NLRP13: variants seen among roughly 807,000 people sequenced by gnomAD.
NLRP13 encodes NACHT, LRR and PYD domains-containing protein 13.
A neutral mutation model predicts 94.4 loss-of-function variants in NLRP13; 82 were observed. The observed-to-expected ratio is 0.87, with a 90% CI of 0.73 to 1.04. The LOEUF (loss-of-function observed/expected upper bound fraction) is 1.04. Among genes scored for constraint, NLRP13 ranks in the 50% least tolerant of loss-of-function variants. The pLI, the probability that NLRP13 is intolerant of heterozygous loss-of-function variation, is 0.00. For synonymous variants in NLRP13, 553 were observed against 464.7 expected, an observed-to-expected ratio of 1.19 and a Z score of -2.45; for missense variants, 1,426 against 1,230.8, an observed-to-expected ratio of 1.16 and a Z score of -2.37.
intron 4 of NLRP13, among the ~76,000 whole-genome samples, chr19:55,920,578 A>G (rs1986793939): frequency 6.6e-6 from 1 of 152,126 alleles, no homozygotes; most frequent in Non-Finnish European, 1.5e-5. Flanking sequence ...AGGCAGAGAA[A>G]TGCAAATTAA....
At chr19:55,910,865 G>C (rs1352086478) in intron 5 of NLRP13, 132 bp from the exon 6 acceptor site, 10 of 777,468 alleles carry the variant, frequency 1.3e-5, no homozygotes, top group Non-Finnish European at 2.0e-5. Flanking sequence ...TGGGTGCAGT[G>C]GCTCACGCCT....
Position 55,913,114 on chromosome 19 carries a change from C to T in NLRP13, c.703G>A (p.Gly235Arg), listed in dbSNP as rs1986575806. The T allele has an allele frequency of 6.2e-7, 1 of 1,614,182 alleles. No homozygotes were observed. The highest frequency in any genetic ancestry group is 8.5e-7 in the Non-Finnish European group (1 of 1,180,028). ...RAQAQTIVLV[G>R]RAGVGKTTLA... ...GTGGTCTTCCCAACCCCTGCCCTCC[C>T]CACCAAGACTATCGTCTGGGCCTGG... The change falls in exon 5 of 11, where the codon GGG (glycine) becomes AGG (arginine). Residue 235 changes from glycine to arginine, a missense_variant. By Grantham distance (125) the Gly-to-Arg change is moderately radical. Coordinates refer to ENST00000342929, the MANE Select transcript of NLRP13 (RefSeq NM_176810.2).
chr19:55,891,936 C>G (rs946911444), downstream of NLRP13: 3 of 409,412 alleles, frequency 7.3e-6, no homozygotes, highest in African/African-American at 6.2e-5. Context: ...ACACACAGGC[C>G]AGGATGTCCT....
chr19:55,909,361 C>T (rs111513549), intron 6 of NLRP13, among the ~76,000 whole-genome samples: 3,098 of 152,288 alleles, frequency 0.02, 90 homozygotes, highest in African/African-American at 0.07. Context: ...TCCCCCTGCT[C>T]ACCTTTATTT....
In NLRP13 at chr19:55,910,869, C is replaced by T. The variant is rs571937120; in HGVS notation, c.2112-136G>A. The T allele has an allele frequency of 6.6e-6, 5 of 754,880 alleles. No individual in the cohort carries two copies. The African/African-American group carries it at 6.9e-5, about 10-fold the overall frequency. The allele number at this position is 754,880 out of a possible 1,614,324, so 46.8% of individuals were successfully genotyped here. On this transcript the variant is annotated intron_variant, in intron 5 of 10. Transcript: ENST00000342929. ...CCTAATGTGGCTGGGTGCAGTGGCT[C>T]ACGCCTGTAATCCCACCACTTTGGG...
chr19:55,901,735 G>A (rs1407455707), intron 9 of NLRP13, among the ~76,000 whole-genome samples: 1 of 152,110 alleles, frequency 6.6e-6, no homozygotes, highest in Non-Finnish European at 1.5e-5. Flanking sequence ...TCCCTTTGCT[G>A]ATCTGCCTTG....
At chr19:55,926,040 C>A (rs928723798) in intron 1 of NLRP13, among the ~76,000 whole-genome samples, 1 of 152,258 alleles carries the variant, frequency 6.6e-6, no homozygotes, top group East Asian at 1.9e-4. Flanking sequence ...CGAGTGGGAA[C>A]CTTTTCCTAG....
intron 1 of NLRP13, among the ~76,000 whole-genome samples, chr19:55,925,966 C>T (rs1986957547): frequency 6.6e-6 from 1 of 152,084 alleles, no homozygotes; most frequent in Non-Finnish European, 1.5e-5. Flanking sequence ...AGTCTGAGCC[C>T]TACGTCCACA....
chr19:55,908,156 T>G (rs1320568466), intron 6 of NLRP13, among the ~76,000 whole-genome samples, 200 bp from the exon 7 acceptor site: 3 of 152,042 alleles, frequency 2.0e-5, no homozygotes, highest in African/African-American at 7.2e-5. Flanking sequence ...AAAAAATCAG[T>G]AAACTCAGTT....
Position 55,912,428 on chromosome 19 carries a change from C to G in NLRP13, c.1389G>C (p.Leu463Phe). ...CCAAATCTACCTCTGCTGTGGAGAA[C>G]AAGTTGGAGAAAAAATAGGCATACA... ...TSLYAYFFSNLFSTAEVDLAD... is the reference protein window; with the variant it reads ...TSLYAYFFSNFFSTAEVDLAD... The change falls in exon 5 of 11, where the codon TTG (leucine) becomes TTC (phenylalanine). Residue 463 changes from leucine to phenylalanine, a missense_variant. Coordinates refer to ENST00000342929, the MANE Select transcript of NLRP13 (RefSeq NM_176810.2). The G allele has an allele frequency of 6.2e-7, 1 of 1,614,126 alleles. No homozygotes were observed. Among genetic ancestry groups the G allele is most frequent in the East Asian group, 2.2e-5 (1 of 44,880 alleles).
At chr19:55,927,071 G>A (rs1368252166) in intron 1 of NLRP13, among the ~76,000 whole-genome samples, 3 of 151,912 alleles carry the variant, frequency 2.0e-5, no homozygotes, top group East Asian at 3.9e-4. Context: ...ATAGATTTAA[G>A]TATAAAAGGT....
chr19:55,913,173 A>G lies in NLRP13; in HGVS notation c.644T>C (p.Leu215Pro). Residue 215 changes from leucine to proline, a missense_variant, in exon 5 of 11, where the codon CTG becomes CCG. Coordinates refer to ENST00000342929, the MANE Select transcript of NLRP13 (RefSeq NM_176810.2). ...RNTSKDEHEE[L>P]QRLLDPNRTR... ...CCTATTAGGATCCAGTAGGCGCTGCAGTTCCTCATGTTCGTCCTTTGATGT... is the reference window on the plus strand; with the variant it reads ...CCTATTAGGATCCAGTAGGCGCTGCGGTTCCTCATGTTCGTCCTTTGATGT... 6.2e-7 allele frequency: 1 copy of G among 1,614,138 alleles called. No homozygotes were observed. Among genetic ancestry groups the G allele is most frequent in the Non-Finnish European group, 8.5e-7 (1 of 1,180,020 alleles).
At chr19:55,930,898 A>ATATATATATAT in intron 1 of NLRP13, among the ~76,000 whole-genome samples, 4 of 104,900 alleles carry the variant, frequency 3.8e-5, no homozygotes, top group African/African-American at 1.2e-4. Flanking sequence ...ATATATATAT[A>ATATATATATAT]AAATTTTAAC....
intron 4 of NLRP13, among the ~76,000 whole-genome samples, chr19:55,916,119 T>C (rs1986667805): frequency 6.6e-6 from 1 of 152,156 alleles, no homozygotes; most frequent in Non-Finnish European, 1.5e-5. Context: ...TAATACTGTC[T>C]ATAACCAAGG....
chr19:55,911,973 T>TCC lies in NLRP13; in HGVS notation c.1842_1843dup (p.Glu615GlyfsTer4), dbSNP rs780076826. On this transcript the variant is annotated frameshift_variant, in exon 5 of 11. Coordinates refer to ENST00000342929, the MANE Select transcript of NLRP13 (RefSeq NM_176810.2). LOFTEE classifies it high-confidence loss of function. ...TAACTCTTCTCCCCACTTTAATAAT[T>TCC]CCTCCATTACCCTGGGAGATATTTT... 6.2e-7 allele frequency: 1 copy of TCC among 1,614,204 alleles called. No homozygotes were observed. The highest frequency in any genetic ancestry group is 8.5e-7 in the Non-Finnish European group (1 of 1,180,032).
At chr19:55,914,019 G>C (rs1425901333) in intron 4 of NLRP13, among the ~76,000 whole-genome samples, 3 of 152,326 alleles carry the variant, frequency 2.0e-5, no homozygotes, top group Non-Finnish European at 2.9e-5. Flanking sequence ...ACTCACAAGG[G>C]AATCAGTAAC....
chr19:55,918,866 A>C (rs1290815734), intron 4 of NLRP13, among the ~76,000 whole-genome samples: 1 of 152,126 alleles, frequency 6.6e-6, no homozygotes, highest in Non-Finnish European at 1.5e-5. Flanking sequence ...AGTGCTCTCT[A>C]ATTCCTTTTA....
downstream of NLRP13, chr19:55,895,916 G>A (rs761128789): frequency 5.6e-6 from 9 of 1,607,988 alleles, no homozygotes; most frequent in Non-Finnish European, 3.4e-6. Flanking sequence ...GTCCCTGTAT[G>A]TTCTCCCCTG....
chr19:55,912,503 C>G lies in NLRP13; in HGVS notation c.1314G>C (p.Pro438=), dbSNP rs61742924. 1.9e-6 allele frequency: 3 copies of G among 1,614,116 alleles called. No individual in the cohort carries two copies. Among genetic ancestry groups the G allele is most frequent in the Non-Finnish European group, 2.5e-6 (3 of 1,180,012 alleles). Residue 438 remains proline, a synonymous_variant, in exon 5 of 11, where the codon CCG becomes CCC. Transcript: ENST00000342929. ...CWTVCSCLKQ[P]KVRYYDLQSI... ...ACTGGAGATCGTAATACCTCACCTT[C>G]GGCTGCTTCAGACAGGAACATACGG...
Sources: allele counts gnomAD v4.1 joint callset (sites outside exome capture counted in the v4.1 genomes callset), GRCh38; gene constraint gnomAD v4.1.1; transcripts MANE v1.5; gene names NCBI Gene and HGNC (gene_info 2026-07-23, HGNC 2026-07-21).